IQCE: variants seen among roughly 807,000 people sequenced by gnomAD.
IQCE encodes the protein IQ domain-containing protein E.
IQCE carries 115 observed loss-of-function variants against 96.0 expected under a neutral mutation model. That is an observed-to-expected ratio of 1.20 (90% CI 1.03 to 1.40). The LOEUF is 1.40. Ranked by LOEUF, IQCE falls within the 40% of genes most tolerant of loss-of-function variation. IQCE has a pLI of 0.00. For missense variants in IQCE, 1,041 were observed against 909.1 expected, an observed-to-expected ratio of 1.15 and a Z score of -1.87; for synonymous variants, 412 against 371.2, an observed-to-expected ratio of 1.11 and a Z score of -1.26.
intron 1 of IQCE, among the ~76,000 whole-genome samples, chr7:2,562,303 A>ATATATATAT (rs1562614367): frequency 8.4e-6 from 1 of 118,460 alleles, no homozygotes; most frequent in African/African-American, 3.9e-5. Context: ...TATATATATA[A>ATATATATAT]AATCCTTTTC....
intron 11 of IQCE, among the ~76,000 whole-genome samples, chr7:2,585,564 G>A (rs1317831390): frequency 6.6e-6 from 1 of 152,270 alleles, no homozygotes; most frequent in African/African-American, 2.4e-5. Flanking sequence ...GCCCACGCAA[G>A]GCAGCGTCAC....
At chr7:2,587,962 G>T in intron 13 of IQCE, 85 bp downstream of exon 13, 1 of 1,245,644 alleles carries the variant, frequency 8.0e-7, no homozygotes, top group Non-Finnish European at 1.2e-6. Context: ...GGAAGGTGGC[G>T]CTGAGCATGG....
rs1412931365 is a variant in IQCE at position 2,578,312 on chromosome 7, G to C, written c.536G>C (p.Ser179Thr). 7 of 1,614,026 alleles carry C rather than the reference G, an allele frequency of 4.3e-6. No individual in the cohort carries two copies. The highest frequency in any genetic ancestry group is 5.9e-6 in the Non-Finnish European group (7 of 1,180,018). The change falls in exon 7 of 22, where the codon AGC becomes ACC. Residue 179 changes from serine to threonine, a missense_variant. Transcript: ENST00000402050. ...TKLRRLEEEN[S>T]RKDRQIEQLL... ...CTCCGGCGCCTGGAGGAGGAAAACA[G>C]CAGGAAGGACCGGCAGATAGAGCAG...
intron 13 of IQCE, among the ~76,000 whole-genome samples, chr7:2,588,353 T>C (rs957848830): frequency 6.7e-6 from 1 of 148,562 alleles, no homozygotes; most frequent in Non-Finnish European, 1.5e-5. Flanking sequence ...TTTGTTTTTG[T>C]TTTTTTTTTC....
At chr7:2,572,467 C>T (rs975679524) in intron 5 of IQCE, 141 bp downstream of exon 5, 13 of 930,176 alleles carry the variant, frequency 1.4e-5, no homozygotes, top group Admixed American at 5.6e-5. Flanking sequence ...TTTGGGAGGT[C>T]GTGGGAGCAG....
At chr7:2,594,368 A>AT (rs11284589) in intron 15 of IQCE, among the ~76,000 whole-genome samples, 85 of 152,090 alleles carry the variant, frequency 5.6e-4, no homozygotes, top group African/African-American at 1.9e-3. Flanking sequence ...GCAGAAATGA[A>AT]TTTTTTTTTG....
intron 15 of IQCE, among the ~76,000 whole-genome samples, 190 bp from the exon 16 acceptor site, chr7:2,594,696 C>T (rs906634143): frequency 5.3e-5 from 8 of 152,368 alleles, no homozygotes; most frequent in Non-Finnish European, 1.0e-4. Context: ...TCCCGGCCTG[C>T]GATGGTTTCT....
At chr7:2,564,927 T>C (rs888718575) in intron 1 of IQCE, among the ~76,000 whole-genome samples, 5 of 152,206 alleles carry the variant, frequency 3.3e-5, no homozygotes, top group Non-Finnish European at 5.9e-5. Context: ...CCTCCCAAAC[T>C]GAGACAGTTA....
At chr7:2,582,781 C>A in intron 9 of IQCE, 131 bp downstream of exon 9, 1 of 693,952 alleles carries the variant, frequency 1.4e-6, no homozygotes, top group Non-Finnish European at 2.5e-6. Context: ...TGAATGTTAG[C>A]TGCCTCTTTT....
rs542826460 is a variant in IQCE, at chr7:2,606,050, C to A, written c.1865+53C>A. On this transcript the variant is annotated intron_variant, in intron 20 of 21. Transcript: ENST00000402050. The stretch of plus-strand genomic sequence containing the variant: ...CACAGACATGGCACGAGAGGCTGCC[C>A]ACCGCACTGGGCCCGGAGCACTGGG... 42 of 1,555,266 alleles carry A rather than the reference C, an allele frequency of 2.7e-5. No homozygotes were observed. The South Asian group carries it at 4.5e-4, about 17-fold the overall frequency.
Position 2,613,195 on chromosome 7 carries a change from C to T in IQCE, c.*3033C>T, listed in dbSNP as rs1785174205. ...CCAGGGCCTGGCCCCACTGTGTTGACAGCAGTCACGTCTGTTGAGCTGACA... is the reference window on the plus strand; with the variant it reads ...CCAGGGCCTGGCCCCACTGTGTTGATAGCAGTCACGTCTGTTGAGCTGACA... On this transcript the variant is annotated 3_prime_UTR_variant, in exon 22 of 22. Transcript: ENST00000402050. 6.6e-6 allele frequency: 1 copy of T among 152,258 alleles called. No homozygotes were observed. Among genetic ancestry groups the T allele is most frequent in the African/African-American group, 2.4e-5 (1 of 41,462 alleles). The allele number at this position is 152,258 out of a possible 1,614,324, so 9.4% of individuals were successfully genotyped here.
Position 2,590,095 on chromosome 7 carries a change from G to A in IQCE, c.1233G>A (p.Leu411=), listed in dbSNP as rs61753096. Reference sequence around the variant, plus strand: ...AGCGGACCGCGCTGCAGGAGCAGCTGCTGCAGAGAGAGTAGGTCCTCCCAA... The same window carrying A: ...AGCGGACCGCGCTGCAGGAGCAGCTACTGCAGAGAGAGTAGGTCCTCCCAA... ...KEERTALQEQ[L]LQRDLEVKQL... Residue 411 remains leucine, a synonymous_variant, in exon 14 of 22, where the codon CTG becomes CTA. Coordinates refer to ENST00000402050, the MANE Select transcript of IQCE (RefSeq NM_152558.5). The A allele has an allele frequency of 0.047, 75,565 of 1,600,938 alleles. 2,347 individuals carry two copies. Among genetic ancestry groups the A allele is most frequent in the Middle Eastern group, 0.082 (478 of 5,826 alleles).
intron 17 of IQCE, 115 bp downstream of exon 17, chr7:2,598,747 T>C: frequency 1.1e-6 from 1 of 903,010 alleles, no homozygotes; most frequent in South Asian, 2.6e-5. Context: ...CCCAGGTGTC[T>C]GAGCACCGTA....
chr7:2,559,779 G>GGGGGGGGGGGGGA (rs1780794018), intron 1 of IQCE, among the ~76,000 whole-genome samples: 1 of 118,792 alleles, frequency 8.4e-6, no homozygotes, highest in Non-Finnish European at 1.9e-5. Context: ...GGGGGGGGGG[G>GGGGGGGGGGGGGA]GGGCGGAGGG....
intron 18 of IQCE, among the ~76,000 whole-genome samples, chr7:2,602,708 G>A (rs1386773222): frequency 1.3e-5 from 2 of 152,224 alleles, no homozygotes; most frequent in South Asian, 2.1e-4. Context: ...ATCCACAAGT[G>A]TTTGCTGGGC....
intron 8 of IQCE, among the ~76,000 whole-genome samples, chr7:2,579,719 G>A (rs1295989279): frequency 7.2e-6 from 1 of 138,566 alleles, no homozygotes; most frequent in African/African-American, 2.7e-5. Context: ...GTGTGTGTGT[G>A]TGTGTGTGTG....
chr7:2,559,993 T>C (rs1453162769), intron 1 of IQCE, among the ~76,000 whole-genome samples: 1 of 151,646 alleles, frequency 6.6e-6, no homozygotes, highest in Non-Finnish European at 1.5e-5. Context: ...ACCCCATCTC[T>C]ACAAAAAACC....
At chr7:2,605,379 T>G (rs1241620749) in intron 19 of IQCE, among the ~76,000 whole-genome samples, 1 of 151,978 alleles carries the variant, frequency 6.6e-6, no homozygotes, top group African/African-American at 2.4e-5. Context: ...CCAGCACTTT[T>G]GGAGGCCGAG....
chr7:2,605,784 T>A (rs1784771997), intron 19 of IQCE, 92 bp from the exon 20 acceptor site: 4 of 1,317,150 alleles, frequency 3.0e-6, no homozygotes, highest in East Asian at 6.1e-5. Context: ...TCTTCCTGTC[T>A]CCCTGACGCC....
Sources: gnomAD v4.1 joint callset for allele counts (sites outside exome capture counted in the v4.1 genomes callset) on GRCh38, gnomAD v4.1.1 for gene constraint, MANE v1.5 for transcripts, NCBI Gene and HGNC (gene_info 2026-07-23, HGNC 2026-07-21) for gene names.